Variants in PCCA observed in about 807,000 individuals in gnomAD.
PCCA encodes propionyl-CoA carboxylase subunit alpha.
PCCA carries 74 observed loss-of-function variants against 101.3 expected under a neutral mutation model. The ratio of observed to expected loss-of-function variants is 0.73; its 90% CI spans 0.61 to 0.89. PCCA has a LOEUF of 0.89. PCCA is among the 40% of genes least tolerant of loss of function. The pLI is 0.00. For synonymous variants in PCCA, 294 were observed against 313.6 expected (o/e 0.94, Z 0.66); for missense variants, 891 against 907.0 (o/e 0.98, Z 0.23).
intron 4 of PCCA, among the ~76,000 whole-genome samples, chr13:100,145,152 A>G (rs780579832): frequency 2.0e-5 from 3 of 152,258 alleles, no homozygotes; most frequent in Non-Finnish European, 4.4e-5. Context: ...GTGTAAGGAC[A>G]CATATGGTAT....
chr13:100,337,826 CT>C (rs1438244635), intron 17 of PCCA, among the ~76,000 whole-genome samples: 2 of 152,170 alleles, frequency 1.3e-5, no homozygotes, highest in African/African-American at 4.8e-5. Context: ...AAAGAACTGA[CT>C]TGTAAAGGAC....
At chr13:100,204,538 A>C (rs1164129974) in intron 6 of PCCA, among the ~76,000 whole-genome samples, 1 of 152,170 alleles carries the variant, frequency 6.6e-6, no homozygotes, top group Non-Finnish European at 1.5e-5. Flanking sequence ...TGAATTCATA[A>C]TATAGCAATT....
intron 22 of PCCA, among the ~76,000 whole-genome samples, chr13:100,519,233 C>T (rs910935211): frequency 2.0e-5 from 3 of 152,266 alleles, no homozygotes; most frequent in Non-Finnish European, 4.4e-5. Context: ...GCTATATACT[C>T]ATCTGCATTT....
chr13:100,346,451 C>T lies in PCCA; in HGVS notation c.1643+6192C>T, dbSNP rs1035791746. ...CAGTTGCTGCAATCTCGTGATAGAA[C>T]TTGAATGGATGAGAGTTGCTTCTTA... On this transcript the variant is annotated intron_variant, in intron 18 of 23. Coordinates refer to ENST00000376285, the MANE Select transcript of PCCA (RefSeq NM_000282.4). Among the ~76,000 whole-genome samples the T allele has an allele frequency of 7.9e-5, 12 of 152,138 alleles. 1 individual carries two copies. Among genetic ancestry groups the T allele is most frequent in the Non-Finnish European group, 1.5e-5 (1 of 68,034 alleles).
intron 6 of PCCA, among the ~76,000 whole-genome samples, chr13:100,167,229 TC>T (rs549186937): frequency 1.5e-3 from 222 of 152,256 alleles, no homozygotes; most frequent in African/African-American, 5.1e-3. Flanking sequence ...AATTTTTTTT[TC>T]TTTTATAGTT....
In PCCA at chr13:100,515,489, G is replaced by T. The variant is rs2086766593; in HGVS notation, c.1962G>T (p.Val654=). Residue 654 remains valine, a synonymous_variant, in exon 22 of 24, where the codon GTG becomes GTT. Transcript: ENST00000376285. The part of the protein sequence containing the change: ...AELNKFMLEK[V]TEDTSSVLRS... The stretch of plus-strand genomic sequence containing the variant: ...TGAACAAATTTATGCTGGAAAAAGT[G>T]ACTGAGGACACAAGCAGTGTTCTGC... 6.2e-7 allele frequency: 1 copy of T among 1,614,110 alleles called. No individual in the cohort carries two copies. The highest frequency in any genetic ancestry group is 1.3e-5 in the African/African-American group (1 of 75,046).
At chr13:100,149,242 TTTTC>T (rs780711975) in intron 4 of PCCA, 1 of 151,662 alleles carries the variant, frequency 6.6e-6, no homozygotes, top group Non-Finnish European at 1.5e-5. Context: ...TTCAGGGTAA[TTTTC>T]TTTCTTTTTT....
intron 6 of PCCA, among the ~76,000 whole-genome samples, chr13:100,203,988 T>G (rs2058699461): frequency 1.3e-5 from 2 of 152,254 alleles, no homozygotes; most frequent in Admixed American, 1.3e-4. Flanking sequence ...GCTTTCTTTC[T>G]GACTCAGTTT....
intron 4 of PCCA, among the ~76,000 whole-genome samples, chr13:100,115,644 TACCG>T (rs1187351334): frequency 2.6e-5 from 4 of 152,282 alleles, no homozygotes; most frequent in South Asian, 2.1e-4. Flanking sequence ...TGCAGTACAT[TACCG>T]ACCAAGCTGT....
At chr13:100,442,789 C>T (rs1330072407) in intron 20 of PCCA, among the ~76,000 whole-genome samples, 1 of 152,154 alleles carries the variant, frequency 6.6e-6, no homozygotes, top group East Asian at 1.9e-4. Flanking sequence ...CTAGGAAGTC[C>T]TCTCTGAATA....
At chr13:100,432,293 TG>T (rs1351573072) in intron 20 of PCCA, among the ~76,000 whole-genome samples, 16 of 152,362 alleles carry the variant, frequency 1.1e-4, no homozygotes, top group African/African-American at 3.8e-4. Flanking sequence ...GCGGTTTCTG[TG>T]ATTCTCAATT....
At chr13:100,204,985 T>C (rs2058766224) in intron 6 of PCCA, among the ~76,000 whole-genome samples, 2 of 152,126 alleles carry the variant, frequency 1.3e-5, no homozygotes, top group Admixed American at 6.6e-5. Context: ...ACTTTAATGA[T>C]GAAAAATGCC....
chr13:100,111,859 G>C lies in PCCA; in HGVS notation c.202G>C (p.Val68Leu). 1 of 1,609,190 alleles carries C rather than the reference G, an allele frequency of 6.2e-7. No homozygotes were observed. Among genetic ancestry groups the C allele is most frequent in the South Asian group, 1.1e-5 (1 of 90,866 alleles). ...PNEKTFDKIL[V>L]ANRGEIACRV... ...TCTTCAGACTTTTGATAAAATTCTT[G>C]TTGCTAATAGAGGAGAAATTGCATG... The change falls in exon 3 of 24, where the codon GTT (valine) becomes CTT (leucine). Residue 68 changes from valine to leucine, a missense_variant. By Grantham distance (32) the Val-to-Leu change is conservative. Coordinates refer to ENST00000376285, the MANE Select transcript of PCCA (RefSeq NM_000282.4).
chr13:100,456,496 C>G (rs2081722499), intron 21 of PCCA, among the ~76,000 whole-genome samples: 1 of 152,118 alleles, frequency 6.6e-6, no homozygotes, highest in Admixed American at 6.6e-5. Flanking sequence ...CCACTGCCAT[C>G]AAGATGCGGA....
At position 100,112,092 on chromosome 13, in the gene PCCA, G is replaced by C. The variant is rs762179711; in HGVS notation, c.300+31G>C. Reference sequence around the variant, plus strand: ...TATATTTTTGCTTTGTTTAAATCAGGACTTAATTTTGGGTCAAGCAGAAAA... The same window carrying C: ...TATATTTTTGCTTTGTTTAAATCAGCACTTAATTTTGGGTCAAGCAGAAAA... On this transcript the variant is annotated intron_variant, in intron 4 of 23. Transcript: ENST00000376285. 3 of 1,548,316 alleles carry C rather than the reference G, an allele frequency of 1.9e-6. No individual in the cohort carries two copies. The South Asian group carries it at 3.4e-5, about 17-fold the overall frequency.
chr13:100,164,848 C>G (rs931184215), intron 6 of PCCA, among the ~76,000 whole-genome samples: 1 of 152,142 alleles, frequency 6.6e-6, no homozygotes, highest in African/African-American at 2.4e-5. Flanking sequence ...TTCCCCATTT[C>G]CCACCTACTC....
intron 4 of PCCA, among the ~76,000 whole-genome samples, chr13:100,120,317 T>C (rs1418207724): frequency 6.6e-6 from 1 of 152,106 alleles, no homozygotes; most frequent in Non-Finnish European, 1.5e-5. Flanking sequence ...TAGCTGGGAC[T>C]ACATGCACAT....
chr13:100,469,412 G>A (rs1219542264), intron 21 of PCCA, among the ~76,000 whole-genome samples: 1 of 151,972 alleles, frequency 6.6e-6, no homozygotes, highest in Non-Finnish European at 1.5e-5. Flanking sequence ...GGTCTCAGAC[G>A]ACTAGAAGTG....
At chr13:100,279,885 T>C (rs1403103034) in intron 12 of PCCA, among the ~76,000 whole-genome samples, 1 of 152,226 alleles carries the variant, frequency 6.6e-6, no homozygotes, top group African/African-American at 2.4e-5. Context: ...ATATGTTATC[T>C]CTAATTAGTG....
Sources: allele counts gnomAD v4.1 joint callset (sites outside exome capture counted in the v4.1 genomes callset), GRCh38; gene constraint gnomAD v4.1.1; transcripts MANE v1.5; gene names NCBI Gene and HGNC (gene_info 2026-07-23, HGNC 2026-07-21).